The following TCF20 variants were observed in gnomAD, a reference collection of about 807,000 sequenced individuals.
TCF20 encodes the protein transcription factor 20, also known as SPRE-binding protein.
Under a neutral mutation model 148.6 loss-of-function variants are expected in TCF20, and 3 were observed. That is an observed-to-expected ratio of 0.02 (90% confidence interval 0.01 to 0.05). TCF20 has a LOEUF of 0.05. Among genes scored for constraint, TCF20 ranks in the 10% least tolerant of loss-of-function variants. The pLI, the probability that TCF20 is intolerant of heterozygous loss-of-function variation, is 1.00. For synonymous variants in TCF20, 1,049 were observed against 909.5 expected (o/e 1.15, Z -2.76); for missense variants, 2,350 against 2,429.3 (o/e 0.97, Z 0.69).
chr22:42,276,807 T>C (rs1056825270), intron 1 of TCF20: 4 of 152,264 alleles, frequency 2.6e-5, no homozygotes, highest in East Asian at 1.9e-4. Flanking sequence ...TCGGGGATAA[T>C]TGCAAAATCA....
At chr22:42,314,334 G>A (rs1164729313) in intron 1 of TCF20, among the ~76,000 whole-genome samples, 2 of 152,278 alleles carry the variant, frequency 1.3e-5, no homozygotes, top group Non-Finnish European at 2.9e-5. Context: ...CGGACCAGCT[G>A]CCGCTGCCGG....
chr22:42,340,837 AAGGGGG>A (rs1255130672), intron 1 of TCF20, among the ~76,000 whole-genome samples: 2 of 151,652 alleles, frequency 1.3e-5, no homozygotes, highest in Non-Finnish European at 2.9e-5. Flanking sequence ...TAAAGAAGGG[AAGGGGG>A]AGGGGGAGGG....
chr22:42,310,857 G>A (rs1054703229), intron 1 of TCF20, among the ~76,000 whole-genome samples: 8 of 152,330 alleles, frequency 5.3e-5, no homozygotes, highest in African/African-American at 1.7e-4. Flanking sequence ...AGCCTGGGCC[G>A]CCCGCCTGCC....
intron 1 of TCF20, among the ~76,000 whole-genome samples, chr22:42,307,889 G>A (rs1037905284): frequency 7.2e-5 from 11 of 152,292 alleles, no homozygotes; most frequent in African/African-American, 2.6e-4. Flanking sequence ...GGCCTCCTGT[G>A]GTATCCTTCG....
Position 42,215,152 on chromosome 22 carries a change from CACTGCT to C in TCF20, c.148_153del (p.Ser50_Ser51del), listed in dbSNP as rs760555989. Reference sequence around the variant, plus strand: ...CGTCGTCCACCACCACTGCCACTGCCACTGCTGCCACTACTGCCACCTGTACCTCCA... The same window carrying C: ...CGTCGTCCACCACCACTGCCACTGCCGCCACTACTGCCACCTGTACCTCCA... On this transcript the variant is annotated inframe_deletion, in exon 2 of 6. Coordinates refer to ENST00000677622, the MANE Select transcript of TCF20 (RefSeq NM_001378418.1). 8.4e-5 allele frequency: 135 copies of C among 1,613,314 alleles called. No homozygotes were observed. The highest frequency in any genetic ancestry group is 4.1e-4 in the South Asian group (37 of 91,092).
At chr22:42,275,112 C>T (rs1353848639), upstream of TCF20, 1 of 152,204 alleles carries the variant, frequency 6.6e-6, no homozygotes, top group African/African-American at 2.4e-5. Context: ...TCCCAGCACT[C>T]AGCAAACACT....
At chr22:42,244,432 A>C (rs1924734109) in intron 1 of TCF20, among the ~76,000 whole-genome samples, 1 of 152,258 alleles carries the variant, frequency 6.6e-6, no homozygotes, top group African/African-American at 2.4e-5. Flanking sequence ...GTATATACAT[A>C]AAACTGAGTA....
chr22:42,213,633 G>A lies in TCF20; in HGVS notation c.1673C>T (p.Ser558Phe). The A allele has an allele frequency of 6.2e-7, 1 of 1,614,096 alleles. No individual in the cohort carries two copies. Among genetic ancestry groups the A allele is most frequent in the Non-Finnish European group, 8.5e-7 (1 of 1,180,028 alleles). Residue 558 changes from serine (S) to phenylalanine (F), a missense_variant, in exon 2 of 6, where the codon TCC (serine) becomes TTC (phenylalanine). Ser to Phe is a radical substitution (Grantham distance 155). Transcript: ENST00000677622. ...ATTCTGAGCACCTTGTGCCGGTGAG[G>A]AGCCAGCTTTCTCAGAGGCTCCACC... ...YKGGASEKAG[S>F]SPAQGAQNEP...
chr22:42,215,915 G>C (rs1355237067), intron 1 of TCF20, among the ~76,000 whole-genome samples: 1 of 151,888 alleles, frequency 6.6e-6, no homozygotes, highest in Admixed American at 6.6e-5. Context: ...GCAAAAACAT[G>C]TATGTCTCAT....
At chr22:42,163,313 T>C (rs1363906386) in intron 5 of TCF20, among the ~76,000 whole-genome samples, 1 of 152,218 alleles carries the variant, frequency 6.6e-6, no homozygotes, top group Non-Finnish European at 1.5e-5. Context: ...GCAGCGGCAG[T>C]TCCTCAGCAC....
intron 1 of TCF20, among the ~76,000 whole-genome samples, chr22:42,328,132 GC>G (rs1927906632): frequency 6.6e-6 from 1 of 152,060 alleles, no homozygotes; most frequent in African/African-American, 2.4e-5. Context: ...CTGAACAAAT[GC>G]CCCTTCTCCA....
chr22:42,248,200 G>A (rs907722849), intron 1 of TCF20, among the ~76,000 whole-genome samples: 1 of 152,216 alleles, frequency 6.6e-6, no homozygotes, highest in African/African-American at 2.4e-5. Flanking sequence ...GGGCTCAGGT[G>A]GGCAGGGAAA....
intron 2 of TCF20, among the ~76,000 whole-genome samples, chr22:42,199,706 C>CAA (rs59845847): frequency 0.11 from 3,792 of 33,860 alleles, 822 homozygotes; most frequent in Non-Finnish European, 0.14. Context: ...CCCATCTCTA[C>CAA]AAAAAAAAAA....
intron 2 of TCF20, among the ~76,000 whole-genome samples, chr22:42,191,555 C>T (rs1404188354): frequency 2.0e-5 from 3 of 152,240 alleles, no homozygotes; most frequent in Non-Finnish European, 2.9e-5. Context: ...TCCCAAAGTG[C>T]GGGGATTACA....
chr22:42,232,805 GAAA>G (rs373162435), intron 1 of TCF20, among the ~76,000 whole-genome samples: 1 of 131,396 alleles, frequency 7.6e-6, no homozygotes, highest in South Asian at 2.3e-4. Context: ...TCTCCAAAAA[GAAA>G]AAAAAAAAAA....
chr22:42,182,973 GTGAT>G (rs1936854452), intron 2 of TCF20, among the ~76,000 whole-genome samples: 2 of 152,220 alleles, frequency 1.3e-5, no homozygotes, highest in Non-Finnish European at 2.9e-5. Context: ...CTGACCTCAA[GTGAT>G]CCACCTGCCT....
In TCF20 at chr22:42,221,739, G is replaced by GTTTTTTTTTTTTTTTTTTT. The variant is rs59283483; in HGVS notation, c.-36-6399_-36-6398insAAAAAAAAAAAAAAAAAAA. Reference sequence around the variant, plus strand: ...GGGCTTATTAACCATATGGCAAAGGGTTTTTTTTTTTTTTTTTGAGACGGA... The same window carrying GTTTTTTTTTTTTTTTTTTT: ...GGGCTTATTAACCATATGGCAAAGGGTTTTTTTTTTTTTTTTTTTTTTTTTTTTTTTTTTTTGAGACGGA... On this transcript the variant is annotated intron_variant, in intron 1 of 5. Coordinates refer to ENST00000677622, the MANE Select transcript of TCF20 (RefSeq NM_001378418.1). Among the ~76,000 whole-genome samples, 76 of 92,806 alleles carry GTTTTTTTTTTTTTTTTTTT rather than the reference G, an allele frequency of 8.2e-4. 10 individuals are homozygous for GTTTTTTTTTTTTTTTTTTT. The highest frequency in any genetic ancestry group is 7.1e-3 in the Middle Eastern group (1 of 140). 60.9% of individuals were successfully genotyped at this position (92,806 alleles called of 152,430 possible).
chr22:42,180,078 C>T (rs1235174019), intron 2 of TCF20, among the ~76,000 whole-genome samples: 1 of 152,164 alleles, frequency 6.6e-6, no homozygotes, highest in Non-Finnish European at 1.5e-5. Context: ...GCCTGCAGAT[C>T]TTCCCTGTTT....
intron 5 of TCF20, among the ~76,000 whole-genome samples, chr22:42,164,040 C>CA (rs1435188007): frequency 3.9e-5 from 6 of 152,114 alleles, no homozygotes; most frequent in Non-Finnish European, 5.9e-5. Context: ...CAACACCACT[C>CA]ACCCTGGCCA....
Sources: allele counts gnomAD v4.1 joint callset (sites outside exome capture counted in the v4.1 genomes callset), GRCh38; gene constraint gnomAD v4.1.1; transcripts MANE v1.5; gene names NCBI Gene and HGNC (gene_info 2026-07-23, HGNC 2026-07-21).